The following HABP2 variants were observed in gnomAD, a reference collection of about 807,000 sequenced individuals.
HABP2 encodes factor VII-activating protease.
HABP2 carries 65 observed loss-of-function variants against 66.5 expected under a neutral mutation model. That is an observed-to-expected ratio of 0.98 (90% CI 0.80 to 1.20). The LOEUF is 1.20. Among genes scored for constraint, HABP2 ranks in the 50% most tolerant of loss-of-function variants. The pLI, the probability that HABP2 is intolerant of heterozygous loss-of-function variation, is 0.00. For synonymous variants in HABP2, 263 were observed against 253.9 expected (o/e 1.04, Z -0.34); for missense variants, 786 against 691.0 (o/e 1.14, Z -1.54).
chr10:113,558,208 C>T (rs1201379555), intron 1 of HABP2, among the ~76,000 whole-genome samples: 1 of 152,250 alleles, frequency 6.6e-6, no homozygotes, highest in Non-Finnish European at 1.5e-5. Context: ...TCGAGTCTTG[C>T]CGGCTAGCAA....
chr10:113,554,007 C>G (rs562992664), intron 1 of HABP2, among the ~76,000 whole-genome samples: 72 of 152,198 alleles, frequency 4.7e-4, no homozygotes, highest in African/African-American at 1.4e-3. Flanking sequence ...GGCTTTGGAG[C>G]CAGGGTTCGA....
At chr10:113,579,203 G>A (rs1845474145) in intron 7 of HABP2, among the ~76,000 whole-genome samples, 1 of 151,290 alleles carries the variant, frequency 6.6e-6, no homozygotes, top group African/African-American at 2.4e-5. Flanking sequence ...AGGCTGTAGT[G>A]AGCCACTGCA....
intron 1 of HABP2, among the ~76,000 whole-genome samples, chr10:113,561,153 C>T (rs1167339499): frequency 1.3e-5 from 2 of 152,082 alleles, no homozygotes; most frequent in Non-Finnish European, 2.9e-5. Context: ...AGAAGGAGCC[C>T]GTGTCTCTGA....
intron 12 of HABP2, among the ~76,000 whole-genome samples, chr10:113,586,602 C>T (rs974926174): frequency 1.3e-5 from 2 of 151,926 alleles, no homozygotes; most frequent in African/African-American, 4.8e-5. Context: ...GTGGTGGCTC[C>T]ATCAACCAAT....
intron 11 of HABP2, among the ~76,000 whole-genome samples, 170 bp downstream of exon 11, chr10:113,584,452 CA>C (rs1845597830): frequency 2.0e-5 from 3 of 152,318 alleles, no homozygotes; most frequent in Admixed American, 2.0e-4. Flanking sequence ...CCTCCACCTG[CA>C]GGGAGCCTTC....
Position 113,589,116 on chromosome 10 carries a change from C to CT in HABP2, c.*748dup, listed in dbSNP as rs1564686090. 1 of 1,563,722 alleles carries CT rather than the reference C, an allele frequency of 6.4e-7. No individual in the cohort carries two copies. The highest frequency in any genetic ancestry group is 8.8e-7 in the Non-Finnish European group (1 of 1,136,722). On this transcript the variant is annotated 3_prime_UTR_variant, in exon 13 of 13. Coordinates refer to ENST00000351270, the MANE Select transcript of HABP2 (RefSeq NM_004132.5). ...AAACATACCCCAAGTTAAAATGAAG[C>CT]TCCCCCACCCCCACTCCCGGCCCCG...
chr10:113,576,788 G>C (rs754149176), intron 4 of HABP2, among the ~76,000 whole-genome samples: 2 of 152,164 alleles, frequency 1.3e-5, no homozygotes, highest in Non-Finnish European at 2.9e-5. Context: ...TATAAACACA[G>C]TGTCTGGGCT....
intron 8 of HABP2, 24 bp from the exon 9 acceptor site, chr10:113,581,852 A>G (rs770036832): frequency 2.9e-5 from 46 of 1,613,326 alleles, no homozygotes; most frequent in Non-Finnish European, 3.8e-5. Context: ...GAATAGCACA[A>G]TTTATCTTTC....
At chr10:113,578,215 G>A in intron 6 of HABP2, 70 bp downstream of exon 6, 1 of 1,533,450 alleles carries the variant, frequency 6.5e-7, no homozygotes, top group Non-Finnish European at 9.0e-7. Flanking sequence ...GGGTTTTGTT[G>A]CCAGAATGTG....
chr10:113,563,591 T>C (rs1256588667), intron 1 of HABP2, among the ~76,000 whole-genome samples: 1 of 152,030 alleles, frequency 6.6e-6, no homozygotes. Flanking sequence ...GGCTTTCTTT[T>C]TGTTTGGTTT....
At position 113,577,231 on chromosome 10, in the gene HABP2, G is replaced by A. The variant is rs1219818433; in HGVS notation, c.413G>A (p.Cys138Tyr). Residue 138 changes from cysteine (C) to tyrosine (Y), a missense_variant, in exon 5 of 13, where the codon TGT becomes TAT. Physicochemically the swap from Cys to Tyr is radical, Grantham distance 194 (BLOSUM62 -2). Transcript: ENST00000351270. ...AGTCCTCCCTACTACCGCTGTGTCT[G>A]TAAACACCCTTACACAGGTCCCAGC... is the stretch of plus-strand genomic sequence containing the variant. ...TQSPPYYRCV[C>Y]KHPYTGPSCS... 1.2e-6 allele frequency: 2 copies of A among 1,609,458 alleles called. No individual in the cohort carries two copies. Among genetic ancestry groups the A allele is most frequent in the South Asian group, 1.1e-5 (1 of 90,976 alleles).
At chr10:113,580,394 C>T (rs1845501491) in intron 7 of HABP2, among the ~76,000 whole-genome samples, 1 of 152,162 alleles carries the variant, frequency 6.6e-6, no homozygotes, top group Non-Finnish European at 1.5e-5. Flanking sequence ...TTGAGATTTT[C>T]CTCTAGAAGA....
At chr10:113,568,107 C>T (rs1446462313) in intron 2 of HABP2, among the ~76,000 whole-genome samples, 2 of 152,234 alleles carry the variant, frequency 1.3e-5, no homozygotes, top group East Asian at 3.9e-4. Flanking sequence ...TTATTGTCTC[C>T]CTTTCCTGTG....
chr10:113,575,363 C>T (rs1001650890), intron 3 of HABP2, among the ~76,000 whole-genome samples: 5 of 152,206 alleles, frequency 3.3e-5, no homozygotes, highest in Non-Finnish European at 4.4e-5. Flanking sequence ...AAGATGAAGG[C>T]CACTGGGTCA....
intron 1 of HABP2, among the ~76,000 whole-genome samples, chr10:113,563,568 C>A (rs1053619970): frequency 1.7e-4 from 26 of 152,110 alleles, no homozygotes; most frequent in Non-Finnish European, 3.8e-4. Flanking sequence ...GAGAGCCCAG[C>A]CCAGGAAGTC....
chr10:113,559,047 G>T (rs368920644), intron 1 of HABP2, among the ~76,000 whole-genome samples: 21 of 152,114 alleles, frequency 1.4e-4, no homozygotes, highest in African/African-American at 4.6e-4. Flanking sequence ...CAGAGACAGG[G>T]TTTCACCATC....
intron 2 of HABP2, chr10:113,572,660 A>T: frequency 2.2e-6 from 1 of 453,922 alleles, no homozygotes; most frequent in Non-Finnish European, 4.4e-6. Context: ...ATCACGCTAG[A>T]TGGAGGAAAA....
chr10:113,567,601 A>T (rs777979942), intron 2 of HABP2, 76 bp downstream of exon 2: 14 of 1,093,006 alleles, frequency 1.3e-5, no homozygotes, highest in Non-Finnish European at 1.8e-5. Context: ...AGGCCTAAGT[A>T]TGGAAGTGTT....
In HABP2 at chr10:113,585,939, G is replaced by C. The variant is rs778038877; in HGVS notation, c.1518+1G>C. On this transcript the variant is annotated splice_donor_variant, in intron 12 of 12. Coordinates refer to ENST00000351270, the MANE Select transcript of HABP2 (RefSeq NM_004132.5). LOFTEE classifies it high-confidence loss of function. The stretch of plus-strand genomic sequence containing the variant: ...GAAACCTGGGCAAGACACCTGCCAG[G>C]TCAGAGACTCCAAGTGGTGCTTGTG... The C allele has an allele frequency of 6.2e-7, 1 of 1,613,512 alleles. No homozygotes were observed. Among genetic ancestry groups the C allele is most frequent in the South Asian group, 1.1e-5 (1 of 91,070 alleles).
Sources: gnomAD v4.1 joint callset for allele counts (sites outside exome capture counted in the v4.1 genomes callset) on GRCh38, gnomAD v4.1.1 for gene constraint, MANE v1.5 for transcripts, NCBI Gene and HGNC (gene_info 2026-07-23, HGNC 2026-07-21) for gene names.